The following PTPN2 variants were observed in gnomAD, a reference collection of about 807,000 sequenced individuals.
The protein encoded by PTPN2 is protein tyrosine phosphatase non-receptor type 2.
In PTPN2, 19 loss-of-function variants were observed where a neutral mutation model predicts 57.3. The ratio of observed to expected loss-of-function variants is 0.33; its 90% CI spans 0.23 to 0.49. The LOEUF is 0.49. PTPN2 is among the 20% of genes least tolerant of loss of function. The probability of loss-of-function intolerance (pLI) is 0.99; values close to 1 mark genes in which losing one functional copy is unlikely to be tolerated. For synonymous variants in PTPN2, 153 were observed against 164.9 expected (o/e 0.93, Z 0.55); for missense variants, 358 against 501.1 (o/e 0.71, Z 2.73).
At chr18:12,855,589 C>T (rs981523853) in intron 2 of PTPN2, among the ~76,000 whole-genome samples, 13 of 152,024 alleles carry the variant, frequency 8.6e-5, no homozygotes, top group Non-Finnish European at 1.9e-4. Flanking sequence ...GAAAGCAGGA[C>T]GATATCCTGA....
chr18:12,848,400 A>G (rs966530200), intron 2 of PTPN2, among the ~76,000 whole-genome samples: 13 of 152,252 alleles, frequency 8.5e-5, no homozygotes, highest in Non-Finnish European at 1.5e-4. Context: ...CAAACTAATA[A>G]GAGTATTAAG....
intron 8 of PTPN2, among the ~76,000 whole-genome samples, chr18:12,797,550 G>T (rs1298503127): frequency 6.6e-6 from 1 of 152,040 alleles, no homozygotes; most frequent in African/African-American, 2.4e-5. Flanking sequence ...ATTCAGGAAT[G>T]GACTAGAGAC....
intron 9 of PTPN2, chr18:12,785,983 C>A (rs958069797): frequency 2.8e-6 from 2 of 719,256 alleles, no homozygotes; most frequent in Non-Finnish European, 4.8e-6. Flanking sequence ...ACACATTCAA[C>A]CACACTAAGT....
At chr18:12,860,581 A>G (rs2043769827) in intron 1 of PTPN2, among the ~76,000 whole-genome samples, 1 of 151,674 alleles carries the variant, frequency 6.6e-6, no homozygotes, top group Admixed American at 6.6e-5. Context: ...TGGGTGACAG[A>G]GTGAGGCGGA....
chr18:12,836,980 C>A, intron 2 of PTPN2, 89 bp from the exon 3 acceptor site: 2 of 787,492 alleles, frequency 2.5e-6, no homozygotes, highest in East Asian at 2.8e-5. Flanking sequence ...TATAAAAAGA[C>A]AGAAGAAATA....
At chr18:12,830,912 T>C (rs767149539) in intron 4 of PTPN2, 31 bp downstream of exon 4, 1 of 1,463,550 alleles carries the variant, frequency 6.8e-7, no homozygotes, top group Non-Finnish European at 9.6e-7. Context: ...ACATACAGTA[T>C]ACTAAGTTGT....
intron 6 of PTPN2, 92 bp downstream of exon 6, chr18:12,817,063 TG>T: frequency 1.6e-6 from 2 of 1,222,570 alleles, no homozygotes; most frequent in South Asian, 1.4e-5. Flanking sequence ...ACCTCAGTTC[TG>T]GGATACAGCA....
chr18:12,819,924 GC>G (rs1179185774), intron 5 of PTPN2, among the ~76,000 whole-genome samples: 1 of 152,186 alleles, frequency 6.6e-6, no homozygotes, highest in African/African-American at 2.4e-5. Flanking sequence ...GCGGCCACCA[GC>G]AGGACCAGAC....
At chr18:12,803,891 T>A (rs1297393438) in intron 7 of PTPN2, among the ~76,000 whole-genome samples, 1 of 152,102 alleles carries the variant, frequency 6.6e-6, no homozygotes, top group African/African-American at 2.4e-5. Context: ...AACACACATT[T>A]ACAGAACATT....
intron 7 of PTPN2, among the ~76,000 whole-genome samples, chr18:12,807,472 C>T (rs776579576): frequency 1.3e-5 from 2 of 148,870 alleles, no homozygotes; most frequent in Non-Finnish European, 3.0e-5. Context: ...AAAGGCATAT[C>T]GGCACTCCTG....
chr18:12,839,174 A>C (rs917621784), intron 2 of PTPN2, among the ~76,000 whole-genome samples: 4 of 152,154 alleles, frequency 2.6e-5, no homozygotes, highest in African/African-American at 7.2e-5. Context: ...TATAATTTAT[A>C]CTCTTTAGTG....
intron 2 of PTPN2, among the ~76,000 whole-genome samples, chr18:12,854,539 G>C (rs1568150047): frequency 6.6e-6 from 1 of 152,174 alleles, no homozygotes; most frequent in South Asian, 2.1e-4. Context: ...GTGGGGCTAA[G>C]GCCAGTGAAG....
intron 8 of PTPN2, 62 bp from the exon 9 acceptor site, chr18:12,794,547 C>T: frequency 6.4e-7 from 1 of 1,571,064 alleles, no homozygotes; most frequent in Non-Finnish European, 8.6e-7. Flanking sequence ...AGTACTCTAA[C>T]ACAGAGGACC....
intron 2 of PTPN2, among the ~76,000 whole-genome samples, chr18:12,854,768 G>A (rs937663032): frequency 6.6e-6 from 1 of 152,158 alleles, no homozygotes; most frequent in African/African-American, 2.4e-5. Flanking sequence ...ACAGACTCCT[G>A]AAGAAATAAA....
chr18:12,848,943 T>C (rs1372439768), intron 2 of PTPN2, among the ~76,000 whole-genome samples: 4 of 152,244 alleles, frequency 2.6e-5, no homozygotes, highest in Non-Finnish European at 5.9e-5. Flanking sequence ...CCAATCCTTA[T>C]GGCTTTTATT....
chr18:12,867,597 AT>A (rs1460843526), intron 1 of PTPN2, among the ~76,000 whole-genome samples: 47 of 151,750 alleles, frequency 3.1e-4, no homozygotes, highest in Non-Finnish European at 5.6e-4. Context: ...TAGCTTCTCC[AT>A]TTGAGTCTTC....
intron 5 of PTPN2, among the ~76,000 whole-genome samples, chr18:12,824,460 G>A (rs948229916): frequency 3.9e-5 from 6 of 152,034 alleles, no homozygotes; most frequent in African/African-American, 1.2e-4. Context: ...TTCTCTTTAA[G>A]GTTTTTTTGT....
At chr18:12,807,586 A>AAAAATATAT in intron 7 of PTPN2, among the ~76,000 whole-genome samples, 53 of 35,172 alleles carry the variant, frequency 1.5e-3, no homozygotes, top group Non-Finnish European at 1.9e-3. Context: ...AAAAAAAAAA[A>AAAAATATAT]ATATATATAT....
At chr18:12,827,048 A>C (rs1339097148) in intron 4 of PTPN2, among the ~76,000 whole-genome samples, 1 of 152,156 alleles carries the variant, frequency 6.6e-6, no homozygotes, top group East Asian at 1.9e-4. Flanking sequence ...TTTATCTTCA[A>C]AATAAATGTT....
Sources: allele counts gnomAD v4.1 joint callset (sites outside exome capture counted in the v4.1 genomes callset), GRCh38; gene constraint gnomAD v4.1.1; transcripts MANE v1.5; gene names NCBI Gene and HGNC (gene_info 2026-07-23, HGNC 2026-07-21).